VAT1L: variants seen among roughly 807,000 people sequenced by gnomAD.
VAT1L encodes putative NADPH-dependent quinone oxidoreductase VAT1L.
A neutral mutation model predicts 44.1 loss-of-function variants in VAT1L; 34 were observed. The ratio of observed to expected loss-of-function variants is 0.77; its 90% CI spans 0.59 to 1.03. The LOEUF (loss-of-function observed/expected upper bound fraction) is 1.03, where lower values mean the gene tolerates loss of function less well. VAT1L is among the 50% of genes least tolerant of loss of function. The probability of loss-of-function intolerance (pLI) is 0.00; values close to 1 mark genes in which losing one functional copy is unlikely to be tolerated. For synonymous variants in VAT1L, 253 were observed against 202.2 expected (o/e 1.25, Z -2.13); for missense variants, 615 against 538.8 (o/e 1.14, Z -1.40).
intron 7 of VAT1L, among the ~76,000 whole-genome samples, chr16:77,909,699 T>C (rs1196612089): frequency 1.3e-5 from 2 of 150,922 alleles, no homozygotes; most frequent in Non-Finnish European, 2.9e-5. Flanking sequence ...TCTGCCTGTA[T>C]CTTTTCGTGC....
chr16:77,871,561 G>C (rs2017033152), intron 4 of VAT1L, among the ~76,000 whole-genome samples: 1 of 152,102 alleles, frequency 6.6e-6, no homozygotes, highest in Admixed American at 6.5e-5. Context: ...CTGGTTTCTA[G>C]ATGTGATGGA....
intron 3 of VAT1L, among the ~76,000 whole-genome samples, chr16:77,840,248 C>T (rs1042501580): frequency 2.0e-5 from 3 of 152,164 alleles, no homozygotes; most frequent in African/African-American, 7.2e-5. Context: ...AGCAAATGGG[C>T]AGTCCAGCAT....
intron 7 of VAT1L, among the ~76,000 whole-genome samples, chr16:77,896,546 G>A (rs1335277339): frequency 6.6e-6 from 1 of 152,208 alleles, no homozygotes; most frequent in Non-Finnish European, 1.5e-5. Flanking sequence ...CATTGCAAAT[G>A]CATTTCCCCC....
At chr16:77,834,702 A>G (rs902393435) in intron 3 of VAT1L, among the ~76,000 whole-genome samples, 1 of 152,098 alleles carries the variant, frequency 6.6e-6, no homozygotes, top group Non-Finnish European at 1.5e-5. Context: ...AGCTTCTCTT[A>G]TCTTAAATCA....
chr16:77,974,027 A>G (rs2018308962), intron 8 of VAT1L, among the ~76,000 whole-genome samples: 1 of 152,168 alleles, frequency 6.6e-6, no homozygotes, highest in African/African-American at 2.4e-5. Context: ...AGGAGTGTGT[A>G]TTTTTAAAAG....
intron 1 of VAT1L, among the ~76,000 whole-genome samples, chr16:77,801,963 CA>C: frequency 6.6e-6 from 1 of 152,278 alleles, no homozygotes; most frequent in Admixed American, 6.5e-5. Flanking sequence ...ATGCATGACG[CA>C]GCCATCCATG....
At chr16:77,957,995 C>G (rs1477942755) in intron 7 of VAT1L, among the ~76,000 whole-genome samples, 1 of 152,006 alleles carries the variant, frequency 6.6e-6, no homozygotes, top group Admixed American at 6.6e-5. Context: ...GCAATCTCTG[C>G]CCACCAGATT....
chr16:77,905,868 T>C (rs1021492192), intron 7 of VAT1L, among the ~76,000 whole-genome samples: 2 of 152,236 alleles, frequency 1.3e-5, no homozygotes, highest in African/African-American at 4.8e-5. Context: ...CTCCCTGACA[T>C]TCCAAGCGTT....
At position 77,884,289 on chromosome 16, in the gene VAT1L, T is replaced by A. The variant is rs901284460; in HGVS notation, c.883-319T>A. ...AAATACAAAAATTAGCTGGGCATGG[T>A]CGTGGGCGCCTGTAATCCCAGCTAC... On this transcript the variant is annotated intron_variant, in intron 6 of 8. Coordinates refer to ENST00000302536, the MANE Select transcript of VAT1L (RefSeq NM_020927.3). The surrounding 1 kb of genome is among the most constrained non-coding windows in gnomAD (Gnocchi z 4.5). 3.3e-5 allele frequency among the ~76,000 whole-genome samples: 5 copies of A among 151,846 alleles called. No homozygotes were observed. Among genetic ancestry groups the A allele is most frequent in the Admixed American group, 2.6e-4 (4 of 15,248 alleles).
intron 7 of VAT1L, among the ~76,000 whole-genome samples, chr16:77,918,013 G>C (rs2017568974): frequency 2.0e-5 from 3 of 152,178 alleles, no homozygotes; most frequent in South Asian, 4.1e-4. Flanking sequence ...CAGGGAAATA[G>C]GGAAAGAAAG....
intron 3 of VAT1L, among the ~76,000 whole-genome samples, chr16:77,843,360 G>A (rs1183309727): frequency 6.6e-6 from 1 of 152,110 alleles, no homozygotes; most frequent in African/African-American, 2.4e-5. Flanking sequence ...AACTTAAAGA[G>A]GTGGGCACAT....
chr16:77,788,973 G>T lies in VAT1L; in HGVS notation c.233+58G>T. On this transcript the variant is annotated intron_variant, in intron 1 of 8. Transcript: ENST00000302536. The stretch of plus-strand genomic sequence containing the variant: ...TTTTTGCGCGCTGGGCGCTGGGGAG[G>T]GGGTGGGAAAGCTGCGGCTGGGATG... 6 of 1,427,896 alleles carry T rather than the reference G, an allele frequency of 4.2e-6. No individual in the cohort carries two copies. In the South Asian group the frequency reaches 5.9e-5, roughly 14 times the overall value. The allele number at this position is 1,427,896 out of a possible 1,614,324, so 88.5% of individuals were successfully genotyped here. A position where few individuals can be genotyped will look rare whatever the true frequency, so the allele number is the denominator to read the frequency against.
intron 7 of VAT1L, among the ~76,000 whole-genome samples, chr16:77,944,952 G>T (rs1226952147): frequency 6.6e-6 from 1 of 152,128 alleles, no homozygotes; most frequent in Non-Finnish European, 1.5e-5. Flanking sequence ...ACTCTTCCAA[G>T]CTGTCTTCAT....
intron 7 of VAT1L, among the ~76,000 whole-genome samples, chr16:77,924,041 A>T (rs2017640535): frequency 6.6e-6 from 1 of 151,416 alleles, no homozygotes; most frequent in African/African-American, 2.4e-5. Context: ...ACTGGTTCTT[A>T]CCAGCTGTGA....
chr16:77,972,299 C>G (rs951214579), intron 8 of VAT1L, among the ~76,000 whole-genome samples: 2 of 152,268 alleles, frequency 1.3e-5, no homozygotes, highest in South Asian at 4.1e-4. Flanking sequence ...GAGATGCTCC[C>G]TGATGGTTCC....
At chr16:77,951,214 G>C (rs1666604456) in intron 7 of VAT1L, among the ~76,000 whole-genome samples, 1 of 152,204 alleles carries the variant, frequency 6.6e-6, no homozygotes, top group African/African-American at 2.4e-5. Flanking sequence ...CAACTTGCAG[G>C]GAACAGCAGC....
intron 7 of VAT1L, among the ~76,000 whole-genome samples, chr16:77,962,770 AGG>A (rs2018177106): frequency 1.3e-5 from 2 of 151,722 alleles, no homozygotes; most frequent in Admixed American, 1.3e-4. Context: ...GAAGGAAGGA[AGG>A]AAGGAAAGAA....
intron 7 of VAT1L, among the ~76,000 whole-genome samples, chr16:77,959,792 G>A (rs555972980): frequency 4.2e-4 from 64 of 152,318 alleles, no homozygotes; most frequent in African/African-American, 1.4e-3. Context: ...AACCACTCAC[G>A]TAGGTGAGGG....
At chr16:77,946,279 C>CTTTTTGTTTTTTTTTTTTTTTTTT (rs2017963665) in intron 7 of VAT1L, among the ~76,000 whole-genome samples, 1 of 70,428 alleles carries the variant, frequency 1.4e-5, no homozygotes, top group Non-Finnish European at 2.5e-5. Flanking sequence ...GTTACTTGTT[C>CTTTTTGTTTTTTTTTTTTTTTTTT]TTTTTTTTTT....
Sources: allele counts gnomAD v4.1 joint callset (sites outside exome capture counted in the v4.1 genomes callset), GRCh38; gene constraint gnomAD v4.1.1; non-coding constraint Gnocchi (gnomAD v3.1); transcripts MANE v1.5; gene names NCBI Gene and HGNC (gene_info 2026-07-23, HGNC 2026-07-21).